OSBPL1A: variants seen among roughly 807,000 people sequenced by gnomAD.
OSBPL1A encodes the protein oxysterol binding protein like 1A, also known as oxysterol-binding protein-related protein 1.
Under a neutral mutation model 137.1 loss-of-function variants are expected in OSBPL1A, and 80 were observed. The ratio of observed to expected loss-of-function variants is 0.58; its 90% CI spans 0.49 to 0.70. The LOEUF (loss-of-function observed/expected upper bound fraction) is 0.70, where lower values mean the gene tolerates loss of function less well. OSBPL1A is among the 30% of genes least tolerant of loss of function. OSBPL1A has a pLI of 0.00. For missense variants in OSBPL1A, 970 were observed against 1,129.4 expected (o/e 0.86, Z 2.02); for synonymous variants, 365 against 389.7 (o/e 0.94, Z 0.75).
In OSBPL1A at chr18:24,293,803, T is replaced by C. The variant is rs1599627584; in HGVS notation, c.1174+9834A>G. Among the ~76,000 whole-genome samples, 5 of 152,282 alleles carry C rather than the reference T, an allele frequency of 3.3e-5. No individual in the cohort carries two copies. In the South Asian group the frequency reaches 1.0e-3, roughly 32 times the overall value. On this transcript the variant is annotated intron_variant, in intron 14 of 27. Coordinates refer to ENST00000319481, the MANE Select transcript of OSBPL1A (RefSeq NM_080597.4). ...GTCTCTCACTCCAAGTGAGAAGATC[T>C]GGAAGCCACTGGATGTTTCCAGCAA...
Position 24,162,835 on chromosome 18 carries a change from TACTATA to T in OSBPL1A, c.*338_*343del, listed in dbSNP as rs2145897614. The T allele has an allele frequency of 5.7e-6, 1 of 176,220 alleles. No individual in the cohort carries two copies. Among genetic ancestry groups the T allele is most frequent in the Admixed American group, 6.1e-5 (1 of 16,528 alleles). 10.9% of individuals were successfully genotyped at this position (176,220 alleles called of 1,614,324 possible). A position where few individuals can be genotyped will look rare whatever the true frequency, so the allele number is the denominator to read the frequency against. On this transcript the variant is annotated 3_prime_UTR_variant, in exon 28 of 28. Coordinates refer to ENST00000319481, the MANE Select transcript of OSBPL1A (RefSeq NM_080597.4). ...TATTCAAAATAACTTGATTTGGGATTACTATATAGTTCCATAAAGCTAAAGTTACAT... is the reference window on the plus strand; with the variant it reads ...TATTCAAAATAACTTGATTTGGGATTTAGTTCCATAAAGCTAAAGTTACAT...
intron 14 of OSBPL1A, among the ~76,000 whole-genome samples, chr18:24,287,730 C>A (rs1289904774): frequency 6.7e-6 from 1 of 150,234 alleles, no homozygotes; most frequent in African/African-American, 2.5e-5. Flanking sequence ...CGAGATCGTG[C>A]CACTGCACTC....
At chr18:24,217,690 T>A (rs754675663) in intron 17 of OSBPL1A, among the ~76,000 whole-genome samples, 7 of 152,210 alleles carry the variant, frequency 4.6e-5, no homozygotes, top group Non-Finnish European at 8.8e-5. Context: ...GGTGAAAGAC[T>A]GTCAGGCAAC....
chr18:24,265,242 G>A (rs932552019), intron 15 of OSBPL1A, among the ~76,000 whole-genome samples: 1 of 152,222 alleles, frequency 6.6e-6, no homozygotes. Flanking sequence ...CACTTTGGGA[G>A]GCCGAGGTGG....
intron 17 of OSBPL1A, among the ~76,000 whole-genome samples, chr18:24,203,665 C>T (rs1210912605): frequency 2.0e-5 from 3 of 152,160 alleles, no homozygotes; most frequent in African/African-American, 4.8e-5. Context: ...CTCTACCACC[C>T]TATAATCCAT....
chr18:24,260,611 A>C (rs1370325316), intron 15 of OSBPL1A, among the ~76,000 whole-genome samples: 2 of 152,226 alleles, frequency 1.3e-5, no homozygotes, highest in East Asian at 1.9e-4. Context: ...TCCATAGAGA[A>C]GAAGCAGATT....
At chr18:24,249,165 A>G (rs2088994028) in intron 15 of OSBPL1A, among the ~76,000 whole-genome samples, 1 of 152,268 alleles carries the variant, frequency 6.6e-6, no homozygotes, top group South Asian at 2.1e-4. Context: ...GAACTTCCAC[A>G]GAAATTTAAA....
rs118093369 is a variant in OSBPL1A at position 24,373,922 on chromosome 18, G to A, written c.121+3491C>T. Among the ~76,000 whole-genome samples, 1,458 of 152,080 alleles carry A rather than the reference G, an allele frequency of 9.6e-3. 14 individuals carry two copies. The highest frequency in any genetic ancestry group is 0.014 in the Non-Finnish European group (967 of 67,998). On this transcript the variant is annotated intron_variant, in intron 2 of 27. Coordinates refer to ENST00000319481, the MANE Select transcript of OSBPL1A (RefSeq NM_080597.4). The stretch of plus-strand genomic sequence containing the variant: ...AAAGTCTGACTGACAGGTATAATGA[G>A]GTGAAAATTGAAAAAAATATTAACA...
chr18:24,261,757 A>G (rs1426982165), intron 15 of OSBPL1A, among the ~76,000 whole-genome samples: 1 of 152,158 alleles, frequency 6.6e-6, no homozygotes, highest in Non-Finnish European at 1.5e-5. Context: ...CATCTGACCC[A>G]GGGAAGTTAA....
In OSBPL1A at chr18:24,271,233, G is replaced by A. The variant is rs943171451; in HGVS notation, c.1281+9609C>T. ...TCATCTCAATGTCAGCCGGAGCACAGCCATGCGAAAAATCACTAACTTGGA... is the reference window on the plus strand; with the variant it reads ...TCATCTCAATGTCAGCCGGAGCACAACCATGCGAAAAATCACTAACTTGGA... On this transcript the variant is annotated intron_variant, in intron 15 of 27. Coordinates refer to ENST00000319481, the MANE Select transcript of OSBPL1A (RefSeq NM_080597.4). This position sits in a 1 kb window ranked among gnomAD's most constrained non-coding sequence, Gnocchi z 4.0. 6.6e-6 allele frequency among the ~76,000 whole-genome samples: 1 copy of A among 152,180 alleles called. No homozygotes were observed. Among genetic ancestry groups the A allele is most frequent in the Non-Finnish European group, 1.5e-5 (1 of 68,034 alleles).
At chr18:24,333,823 T>C (rs1812369563) in intron 6 of OSBPL1A, among the ~76,000 whole-genome samples, 1 of 152,186 alleles carries the variant, frequency 6.6e-6, no homozygotes, top group Non-Finnish European at 1.5e-5. Context: ...CTTCCAGAAG[T>C]GTAGCATTCC....
chr18:24,356,480 G>C (rs2091537040), intron 4 of OSBPL1A, among the ~76,000 whole-genome samples: 2 of 152,180 alleles, frequency 1.3e-5, no homozygotes, highest in African/African-American at 4.8e-5. Context: ...GTGTTAGAAA[G>C]GGGGCATGCA....
At position 24,194,901 on chromosome 18, in the gene OSBPL1A, C is replaced by CA. The variant is rs1363488759; in HGVS notation, c.1677+1223dup. 7.2e-5 allele frequency among the ~76,000 whole-genome samples: 11 copies of CA among 152,062 alleles called. 1 individual carries two copies. The highest frequency in any genetic ancestry group is 1.2e-4 in the Non-Finnish European group (8 of 68,002). ...GATGAATTACTCTCCATGCAGGAGT[C>CA]AAAAAATATTTGTTTAAAATTAATG... On this transcript the variant is annotated intron_variant, in intron 18 of 27. Transcript: ENST00000319481.
chr18:24,321,749 CAAAT>C (rs1415889357), intron 7 of OSBPL1A: 8 of 484,106 alleles, frequency 1.7e-5, no homozygotes, highest in African/African-American at 4.0e-5. Flanking sequence ...AAAAGAAAAA[CAAAT>C]AAATTTTTTA....
At chr18:24,224,976 C>A in intron 17 of OSBPL1A, 66 bp downstream of exon 17, 6 of 1,585,124 alleles carry the variant, frequency 3.8e-6, no homozygotes, top group South Asian at 1.1e-5. Flanking sequence ...ACATATATTT[C>A]TTTATGAATC....
At chr18:24,336,928 A>G (rs936668695) in intron 5 of OSBPL1A, among the ~76,000 whole-genome samples, 1 of 152,218 alleles carries the variant, frequency 6.6e-6, no homozygotes, top group Non-Finnish European at 1.5e-5. Context: ...TGGGGTATTT[A>G]CTTTGTCTCA....
chr18:24,331,632 G>A (rs1173234942), intron 7 of OSBPL1A, among the ~76,000 whole-genome samples: 2 of 150,426 alleles, frequency 1.3e-5, no homozygotes, highest in East Asian at 3.9e-4. Context: ...TCCTGACCTC[G>A]TGATCCGCCC....
At chr18:24,380,412 G>A (rs1468976990) in intron 1 of OSBPL1A, among the ~76,000 whole-genome samples, 1 of 152,214 alleles carries the variant, frequency 6.6e-6, no homozygotes, top group Non-Finnish European at 1.5e-5. Context: ...ACACGCTAAG[G>A]ATGTTTTGCT....
chr18:24,319,297 C>A (rs753625705), intron 7 of OSBPL1A, among the ~76,000 whole-genome samples: 28 of 152,194 alleles, frequency 1.8e-4, no homozygotes, highest in Non-Finnish European at 3.4e-4. Flanking sequence ...CTCTCTCTCT[C>A]TATAGCCCTC....
Sources: gnomAD v4.1 joint callset for allele counts (sites outside exome capture counted in the v4.1 genomes callset) on GRCh38, gnomAD v4.1.1 for gene constraint, Gnocchi (gnomAD v3.1) non-coding constraint, MANE v1.5 for transcripts, NCBI Gene and HGNC (gene_info 2026-07-23, HGNC 2026-07-21) for gene names.